The following CDH13 variants were observed in gnomAD, a reference collection of about 807,000 sequenced individuals.
CDH13 encodes the protein cadherin 13.
CDH13 carries 24 observed loss-of-function variants against 63.8 expected under a neutral mutation model. The observed-to-expected ratio is 0.38, with a 90% CI of 0.27 to 0.53. The LOEUF (loss-of-function observed/expected upper bound fraction) is 0.53, where lower values mean the gene tolerates loss of function less well. Ranked by LOEUF, CDH13 falls within the 20% of genes least tolerant of loss-of-function variation. CDH13 has a pLI of 0.85. For synonymous variants in CDH13, 503 were observed against 355.3 expected (o/e 1.42, Z -4.67); for missense variants, 1,049 against 903.1 (o/e 1.16, Z -2.07).
At chr16:83,076,522 C>G (rs967007672) in intron 3 of CDH13, among the ~76,000 whole-genome samples, 2 of 152,100 alleles carry the variant, frequency 1.3e-5, no homozygotes, top group African/African-American at 2.4e-5. Context: ...TGAACATTTT[C>G]AAACATAAAG....
chr16:83,571,037 A>C (rs1904573936), intron 7 of CDH13, among the ~76,000 whole-genome samples: 2 of 149,316 alleles, frequency 1.3e-5, no homozygotes, highest in Non-Finnish European at 3.0e-5. Context: ...GAGGAGCTGC[A>C]TTCCTCTCCA....
chr16:83,347,681 A>C (rs2090868504), intron 6 of CDH13, among the ~76,000 whole-genome samples: 1 of 152,172 alleles, frequency 6.6e-6, no homozygotes. Context: ...GAACTTGACA[A>C]AGTTACCTGG....
chr16:83,382,434 C>G (rs1006782844), intron 6 of CDH13, among the ~76,000 whole-genome samples: 6 of 152,106 alleles, frequency 3.9e-5, no homozygotes, highest in Admixed American at 1.3e-4. Context: ...TCCATACCCC[C>G]TCATGCTGAT....
chr16:83,691,224 T>G (rs1467603499), intron 10 of CDH13, among the ~76,000 whole-genome samples: 1 of 152,030 alleles, frequency 6.6e-6, no homozygotes, highest in Non-Finnish European at 1.5e-5. Flanking sequence ...GCTGGAGAAG[T>G]GGCAAAGTAA....
chr16:82,971,176 T>C (rs1193178478), intron 2 of CDH13, among the ~76,000 whole-genome samples: 1 of 152,208 alleles, frequency 6.6e-6, no homozygotes, highest in Non-Finnish European at 1.5e-5. Context: ...GCGATGACTC[T>C]AAGGCTTATG....
In CDH13 at chr16:83,122,437, G is replaced by T. The variant is rs148032959; in HGVS notation, c.367-2948G>T. 7.1e-3 allele frequency among the ~76,000 whole-genome samples: 1,086 copies of T among 152,190 alleles called. 9 individuals are homozygous for T. Among genetic ancestry groups the T allele is most frequent in the African/African-American group, 0.021 (853 of 41,522 alleles). ...ACATTTAATTAAAAATATGAGTTAC[G>T]CATAGAGCAAACACCCTGACAGTGT... On this transcript the variant is annotated intron_variant, in intron 3 of 13. Transcript: ENST00000567109.
intron 6 of CDH13, among the ~76,000 whole-genome samples, chr16:83,362,354 T>G (rs2091178338): frequency 6.6e-6 from 1 of 152,208 alleles, no homozygotes; most frequent in Non-Finnish European, 1.5e-5. Flanking sequence ...TTTTGAAAAC[T>G]CCTATTCTAA....
intron 8 of CDH13, among the ~76,000 whole-genome samples, chr16:83,625,991 G>T (rs534840266): frequency 6.6e-6 from 1 of 151,498 alleles, no homozygotes; most frequent in African/African-American, 2.4e-5. Flanking sequence ...CAGGTAAAAC[G>T]TGAGGAAACA....
intron 6 of CDH13, among the ~76,000 whole-genome samples, chr16:83,429,641 G>T (rs921131470): frequency 6.6e-6 from 1 of 152,180 alleles, no homozygotes; most frequent in African/African-American, 2.4e-5. Flanking sequence ...ATGCTGAGGG[G>T]AAGGTGACCA....
rs535725519 is a variant in CDH13, at chr16:83,678,190, C to T, written c.1285-18C>T. ...TGTGGCTGGTGTGCATCCTGAGACC[C>T]TTCTGTCTGCTTTCCAGCCATTGGA... On this transcript the variant is annotated intron_variant, in intron 9 of 13. Transcript: ENST00000567109. The T allele has an allele frequency of 8.1e-6, 13 of 1,601,686 alleles. No individual in the cohort carries two copies. Among genetic ancestry groups the T allele is most frequent in the Admixed American group, 5.0e-5 (3 of 59,696 alleles).
intron 8 of CDH13, among the ~76,000 whole-genome samples, chr16:83,662,214 T>C (rs1010372327): frequency 6.6e-6 from 1 of 152,222 alleles, no homozygotes; most frequent in African/African-American, 2.4e-5. Flanking sequence ...AGTTTTGCAT[T>C]TTCTCACCTG....
chr16:82,855,395 A>G (rs1420506959), intron 1 of CDH13, among the ~76,000 whole-genome samples: 1 of 152,138 alleles, frequency 6.6e-6, no homozygotes, highest in Non-Finnish European at 1.5e-5. Flanking sequence ...TTTACTTCCT[A>G]CAGGATATCC....
chr16:82,754,339 AT>A (rs1331760116), intron 1 of CDH13, among the ~76,000 whole-genome samples: 1 of 152,160 alleles, frequency 6.6e-6, no homozygotes, highest in Non-Finnish European at 1.5e-5. Context: ...TGAATAAATG[AT>A]TGTTGAATGA....
chr16:82,751,350 A>G (rs1355900307), intron 1 of CDH13, among the ~76,000 whole-genome samples: 1 of 152,184 alleles, frequency 6.6e-6, no homozygotes, highest in Non-Finnish European at 1.5e-5. Flanking sequence ...CAAAGGAACA[A>G]TGGAGCATGA....
intron 10 of CDH13, among the ~76,000 whole-genome samples, chr16:83,715,162 T>C (rs1281061820): frequency 2.0e-5 from 3 of 152,230 alleles, no homozygotes; most frequent in Non-Finnish European, 4.4e-5. Context: ...TTTATTGCTA[T>C]GAGTTCATGC....
At chr16:83,289,836 A>G (rs2325935) in intron 5 of CDH13, among the ~76,000 whole-genome samples, 91,391 of 152,082 alleles carry the variant, frequency 0.6, 28,839 homozygotes, top group East Asian at 0.84. Flanking sequence ...GATACGTTCT[A>G]TTTTATGTAA....
chr16:82,683,171 G>T (rs1326503091), intron 1 of CDH13, among the ~76,000 whole-genome samples: 1 of 152,108 alleles, frequency 6.6e-6, no homozygotes. Flanking sequence ...ATGTCGCCCT[G>T]GTGTGGTCTT....
rs370110417 is a variant in CDH13, at chr16:83,059,777, G to GT, written c.366+27570dup. Among the ~76,000 whole-genome samples, 607 of 105,882 alleles carry GT rather than the reference G, an allele frequency of 5.7e-3. 3 individuals carry two copies. Among genetic ancestry groups the GT allele is most frequent in the South Asian group, 0.021 (63 of 3,072 alleles). 69.5% of individuals were successfully genotyped at this position (105,882 alleles called of 152,430 possible). ...TTTCTTAATCCAGACTTTTGCCTTT[G>GT]TTTTTTTTTTTGTTTGTTTTTTTTT... On this transcript the variant is annotated intron_variant, in intron 3 of 13. Transcript: ENST00000567109.
intron 4 of CDH13, among the ~76,000 whole-genome samples, chr16:83,139,691 C>A (rs191163274): frequency 2.2e-4 from 33 of 151,970 alleles, no homozygotes; most frequent in Admixed American, 1.6e-3. Flanking sequence ...GAGAAAAATA[C>A]ACATTGAAAA....
Sources: allele counts gnomAD v4.1 joint callset (sites outside exome capture counted in the v4.1 genomes callset), GRCh38; gene constraint gnomAD v4.1.1; transcripts MANE v1.5; gene names NCBI Gene and HGNC (gene_info 2026-07-23, HGNC 2026-07-21).